The following ZNF385D variants were observed in gnomAD, a reference collection of about 807,000 sequenced individuals.
ZNF385D encodes the protein zinc finger protein 659.
A neutral mutation model predicts 35.8 loss-of-function variants in ZNF385D; 15 were observed. That is an observed-to-expected ratio of 0.42 (90% CI 0.28 to 0.64). The LOEUF (loss-of-function observed/expected upper bound fraction) is 0.64. ZNF385D is among the 30% of genes least tolerant of loss of function. ZNF385D has a pLI of 0.23. For synonymous variants in ZNF385D, 212 were observed against 186.8 expected (o/e 1.13, Z -1.10); for missense variants, 474 against 494.6 (o/e 0.96, Z 0.39).
At chr3:21,808,741 C>A (rs1007608523) in intron 3 of ZNF385D, among the ~76,000 whole-genome samples, 1 of 152,168 alleles carries the variant, frequency 6.6e-6, no homozygotes, top group Non-Finnish European at 1.5e-5. Flanking sequence ...TGTTTTAAAT[C>A]AGTGTTCAGA....
chr3:22,258,303 C>A (rs1700420018), intron 2 of ZNF385D, among the ~76,000 whole-genome samples: 3 of 151,810 alleles, frequency 2.0e-5, no homozygotes, highest in Middle Eastern at 3.4e-3. Flanking sequence ...ATACACACAG[C>A]CACATTTATG....
chr3:22,251,873 T>G (rs1700080777), intron 2 of ZNF385D, among the ~76,000 whole-genome samples: 1 of 152,074 alleles, frequency 6.6e-6, no homozygotes, highest in Admixed American at 6.6e-5. Context: ...ACACAGCCTT[T>G]GAAAGTTCAA....
chr3:22,288,339 T>C (rs1004678612), intron 2 of ZNF385D, among the ~76,000 whole-genome samples: 1 of 152,084 alleles, frequency 6.6e-6, no homozygotes, highest in Non-Finnish European at 1.5e-5. Flanking sequence ...ATATTTTTGG[T>C]CTTTTCTTGA....
At chr3:21,816,247 G>A (rs1453904417) in intron 3 of ZNF385D, among the ~76,000 whole-genome samples, 3 of 152,134 alleles carry the variant, frequency 2.0e-5, no homozygotes, top group Admixed American at 2.0e-4. Context: ...AAAACTGGAA[G>A]CATTCCCTTT....
At chr3:21,510,817 AACG>A (rs778311764) in intron 4 of ZNF385D, 41 bp downstream of exon 4, 10 of 1,608,492 alleles carry the variant, frequency 6.2e-6, no homozygotes, top group Admixed American at 3.3e-5. Flanking sequence ...GGGAATCCCC[AACG>A]ACGACGACGA....
At chr3:21,845,747 G>C (rs1264541190) in intron 3 of ZNF385D, among the ~76,000 whole-genome samples, 1 of 151,946 alleles carries the variant, frequency 6.6e-6, no homozygotes, top group Non-Finnish European at 1.5e-5. Flanking sequence ...TTGATTACTA[G>C]AAATGCGATT....
intron 3 of ZNF385D, among the ~76,000 whole-genome samples, chr3:22,076,436 T>A (rs1489804006): frequency 1.3e-5 from 2 of 151,940 alleles, no homozygotes; most frequent in Admixed American, 1.3e-4. Flanking sequence ...TCCTATTTTT[T>A]AATCATTTGG....
At chr3:22,083,057 C>G (rs1040004283) in intron 3 of ZNF385D, among the ~76,000 whole-genome samples, 1 of 152,100 alleles carries the variant, frequency 6.6e-6, no homozygotes, top group Non-Finnish European at 1.5e-5. Flanking sequence ...ACATTCACAC[C>G]AAATCCTCAT....
At chr3:22,343,304 C>T (rs1047216253) in intron 2 of ZNF385D, among the ~76,000 whole-genome samples, 30 of 152,320 alleles carry the variant, frequency 2.0e-4, no homozygotes, top group African/African-American at 7.0e-4. Context: ...GACAGATCTA[C>T]GTTTCCATTT....
intron 3 of ZNF385D, among the ~76,000 whole-genome samples, chr3:22,116,551 G>A (rs906593430): frequency 6.6e-6 from 1 of 152,118 alleles, no homozygotes; most frequent in Non-Finnish European, 1.5e-5. Flanking sequence ...GTATAGAAAG[G>A]AGAAGATATA....
chr3:21,683,283 A>G (rs1253509764), intron 1 of ZNF385D, among the ~76,000 whole-genome samples: 1 of 149,764 alleles, frequency 6.7e-6, no homozygotes, highest in Non-Finnish European at 1.5e-5. Context: ...CTGTAGGACT[A>G]TTAATTTTGT....
At chr3:22,096,701 T>G (rs1355296283) in intron 3 of ZNF385D, among the ~76,000 whole-genome samples, 1 of 152,018 alleles carries the variant, frequency 6.6e-6, no homozygotes, top group African/African-American at 2.4e-5. Context: ...CAAAATAAAG[T>G]GTCATTTCTA....
rs146766072 is a variant in ZNF385D at position 22,020,403 on chromosome 3, A to G, written c.325+148414T>C. On this transcript the variant is annotated intron_variant, in intron 3 of 5. Transcript: ENST00000494108. ...CACATGGGGAACATAAGACAAGATA[A>G]GTTCTGTGCTCCAGCAGTTTCATCA... Among the ~76,000 whole-genome samples, 843 of 152,026 alleles carry G rather than the reference A, an allele frequency of 5.5e-3. 8 individuals carry two copies. The highest frequency in any genetic ancestry group is 0.019 in the African/African-American group (772 of 41,512).
At chr3:21,934,346 T>A (rs1169111217) in intron 3 of ZNF385D, among the ~76,000 whole-genome samples, 1 of 152,174 alleles carries the variant, frequency 6.6e-6, no homozygotes, top group Non-Finnish European at 1.5e-5. Context: ...TGCTTTTATG[T>A]AAACACTCCA....
rs553889667 is a variant in ZNF385D at position 21,553,703 on chromosome 3, C to A, written c.276+10871G>T. On this transcript the variant is annotated intron_variant, in intron 3 of 7. Coordinates refer to ENST00000281523, the MANE Select transcript of ZNF385D (RefSeq NM_024697.3). Reference sequence around the variant, plus strand: ...CTTTCAAAATTGGGGTCAATCCTCCCAAAGCCTGCCACTGCTCTGTCAATT... The same window carrying A: ...CTTTCAAAATTGGGGTCAATCCTCCAAAAGCCTGCCACTGCTCTGTCAATT... Among the ~76,000 whole-genome samples, 82 of 152,266 alleles carry A rather than the reference C, an allele frequency of 5.4e-4. 1 individual carries two copies. The South Asian group carries it at 0.016, about 30-fold the overall frequency.
chr3:21,970,054 C>T lies in ZNF385D; in HGVS notation c.325+198763G>A, dbSNP rs531168372. Among the ~76,000 whole-genome samples the T allele has an allele frequency of 4.5e-4, 68 of 152,262 alleles. No homozygotes were observed. In the South Asian group the frequency reaches 0.013, roughly 29 times the overall value. ...CTGCGGTGATGAAAGATTTACATTA[C>T]AGCACCCAAGACCATCTGAATACTT... On this transcript the variant is annotated intron_variant, in intron 3 of 5. Transcript: ENST00000494108.
At position 22,228,885 on chromosome 3, in the gene ZNF385D, T is replaced by C. The variant is rs919606234; in HGVS notation, c.107-59850A>G. Among the ~76,000 whole-genome samples, 6 of 152,224 alleles carry C rather than the reference T, an allele frequency of 3.9e-5. No individual in the cohort carries two copies. In the South Asian group the frequency reaches 6.2e-4, roughly 16 times the overall value. The stretch of plus-strand genomic sequence containing the variant: ...TGCCCTTGAACATAGACTCCAATTA[T>C]TCAGCTTTTGGACTCTTGGACCTAT... On this transcript the variant is annotated intron_variant, in intron 2 of 5. Coordinates refer to the ZNF385D transcript ENST00000494108.
At chr3:22,093,624 TAAG>T (rs1701446481) in intron 3 of ZNF385D, among the ~76,000 whole-genome samples, 1 of 152,120 alleles carries the variant, frequency 6.6e-6, no homozygotes, top group East Asian at 1.9e-4. Context: ...CTATAAAAAA[TAAG>T]AAAGATTGTG....
At chr3:22,194,999 G>A (rs182840910) in intron 2 of ZNF385D, among the ~76,000 whole-genome samples, 3 of 151,562 alleles carry the variant, frequency 2.0e-5, no homozygotes, top group African/African-American at 4.8e-5. Context: ...AATACCAAGG[G>A]CAATATTTTG....
Sources: gnomAD v4.1 joint callset for allele counts (sites outside exome capture counted in the v4.1 genomes callset) on GRCh38, gnomAD v4.1.1 for gene constraint, MANE v1.5 for transcripts, NCBI Gene and HGNC (gene_info 2026-07-23, HGNC 2026-07-21) for gene names.